Variants in C19orf81 observed in about 807,000 individuals in gnomAD.
C19orf81 encodes chromosome 19 open reading frame 81, also known as putative uncharacterized protein C19orf81.
A neutral mutation model predicts 22.1 loss-of-function variants in C19orf81; 19 were observed. The observed-to-expected ratio is 0.86, with a 90% CI of 0.60 to 1.26. The LOEUF is 1.26. Among genes scored for constraint, C19orf81 ranks in the 50% most tolerant of loss-of-function variants. The pLI is 0.00. For synonymous variants in C19orf81, 108 were observed against 113.1 expected, an observed-to-expected ratio of 0.95 and a Z score of 0.29; for missense variants, 287 against 280.7, an observed-to-expected ratio of 1.02 and a Z score of -0.16.
intron 4 of C19orf81, chr19:50,658,475 G>A (rs1985053954): frequency 3.4e-6 from 1 of 294,130 alleles, no homozygotes; most frequent in South Asian, 5.5e-5. Context: ...TTGGAGGTAA[G>A]GTCCGGTGAG....
intron 1 of C19orf81, among the ~76,000 whole-genome samples, chr19:50,652,907 T>C (rs187629571): frequency 6.6e-6 from 1 of 152,330 alleles, no homozygotes; most frequent in African/African-American, 2.4e-5. Context: ...TTTATCCTTA[T>C]TCTATCATTT....
rs1399123260 is a variant in C19orf81 at position 50,656,276 on chromosome 19, A to G, written c.191A>G (p.Glu64Gly). Residue 64 changes from glutamate (E) to glycine (G), a missense_variant, in exon 3 of 5, where the codon GAA becomes GGA. By Grantham distance (98) the Glu-to-Gly change is moderately conservative. Coordinates refer to ENST00000425202, the MANE Select transcript of C19orf81 (RefSeq NM_001195076.2). ...GCAGAGTACGAGGCACTGGACCGAG[A>G]ACTCCCGTGCATCCGGAAGTTCCCC... ...VIAEYEALDR[E>G]LPCIRKFPTP... The G allele has an allele frequency of 5.2e-6, 8 of 1,536,008 alleles. No individual in the cohort carries two copies. Among genetic ancestry groups the G allele is most frequent in the Non-Finnish European group, 7.0e-6 (8 of 1,146,910 alleles).
chr19:50,651,762 T>G (rs796947797), intron 1 of C19orf81, among the ~76,000 whole-genome samples: 87 of 152,270 alleles, frequency 5.7e-4, no homozygotes, highest in African/African-American at 2.0e-3. Context: ...AATAAGTACT[T>G]ATTTTTAAGT....
rs1039970064 is a variant in C19orf81 at position 50,658,138 on chromosome 19, C to CGGCGGG, written c.401+18_401+23dup. 5 of 1,527,922 alleles carry CGGCGGG rather than the reference C, an allele frequency of 3.3e-6. No individual in the cohort carries two copies. The highest frequency in any genetic ancestry group is 4.4e-6 in the Non-Finnish European group (5 of 1,143,222). 94.6% of individuals were successfully genotyped at this position (1,527,922 alleles called of 1,614,324 possible). ...CTGGGCGCCGGAACCGGTGAGTAAG[C>CGGCGGG]GGCGGGGGCGGGGCCTGGAGCGAGC... On this transcript the variant is annotated intron_variant, in intron 4 of 4. Transcript: ENST00000425202.
chr19:50,651,111 A>G (rs1984869950), intron 1 of C19orf81, among the ~76,000 whole-genome samples: 1 of 152,240 alleles, frequency 6.6e-6, no homozygotes, highest in Non-Finnish European at 1.5e-5. Flanking sequence ...TTTTGCCTGT[A>G]GTGCCTAATG....
chr19:50,658,080 G>A lies in C19orf81; in HGVS notation c.353G>A (p.Arg118His), dbSNP rs777688296. 1.4e-5 allele frequency: 22 copies of A among 1,535,842 alleles called. No individual in the cohort carries two copies. The East Asian group carries it at 4.2e-4, about 29-fold the overall frequency. ...GAGAGCGGGCGCGTGAGCAGCATCC[G>A]CTTTGAGAACATGAACGTCATCTGT... ...AMESGRVSSI[R>H]FENMNVICGT... The change falls in exon 4 of 5, where the codon CGC (arginine) becomes CAC (histidine). Residue 118 changes from arginine (R) to histidine (H), a missense_variant. Transcript: ENST00000425202.
intron 1 of C19orf81, among the ~76,000 whole-genome samples, chr19:50,653,509 C>T (rs1362870345): frequency 3.3e-5 from 5 of 151,904 alleles, no homozygotes; most frequent in East Asian, 1.9e-4. Context: ...AAGGGGATCC[C>T]GTGAAAATGT....
chr19:50,658,033 G>A lies in C19orf81; in HGVS notation c.306G>A (p.Glu102=), dbSNP rs879193313. 1.0e-5 allele frequency: 16 copies of A among 1,535,906 alleles called. No homozygotes were observed. The South Asian group carries it at 1.3e-4, about 13-fold the overall frequency. The change falls in exon 4 of 5, where the codon GAG becomes GAA. Residue 102 remains glutamate, a synonymous_variant. Transcript: ENST00000425202. ...ACCTGGAGGTGCTGCAAGCCCTGGA[G>A]GCCCAGTTACCAGGGGCCATGGAGA... is the stretch of plus-strand genomic sequence containing the variant. ...FTHLEVLQAL[E]AQLPGAMESG...
At chr19:50,649,755 C>A in intron 1 of C19orf81, 2 of 628,834 alleles carry the variant, frequency 3.2e-6, no homozygotes, top group Middle Eastern at 2.5e-4. Flanking sequence ...TCCCATGAGC[C>A]TCTGGGGCCT....
At chr19:50,653,625 C>T (rs1329276454) in intron 1 of C19orf81, among the ~76,000 whole-genome samples, 1 of 150,946 alleles carries the variant, frequency 6.6e-6, no homozygotes, top group Non-Finnish European at 1.5e-5. Context: ...TATACCAGCA[C>T]ACCACTGACT....
intron 1 of C19orf81, among the ~76,000 whole-genome samples, chr19:50,653,603 C>T (rs1302344582): frequency 2.0e-5 from 3 of 151,076 alleles, no homozygotes; most frequent in East Asian, 1.9e-4. Flanking sequence ...CAGGAGAGCC[C>T]GTTGTGAAAC....
At chr19:50,650,085 C>G (rs965783060) in intron 1 of C19orf81, among the ~76,000 whole-genome samples, 4 of 152,204 alleles carry the variant, frequency 2.6e-5, no homozygotes, top group African/African-American at 9.7e-5. Flanking sequence ...TTTCTCTCCT[C>G]CTACCTATCC....
chr19:50,658,025 G>A lies in C19orf81; in HGVS notation c.298G>A (p.Ala100Thr). ...TTTTACCCACCTGGAGGTGCTGCAA[G>A]CCCTGGAGGCCCAGTTACCAGGGGC... ...EDFTHLEVLQ[A>T]LEAQLPGAME... Residue 100 changes from alanine to threonine, a missense_variant, in exon 4 of 5, where the codon GCC becomes ACC. Physicochemically the swap from Ala to Thr is moderately conservative, Grantham distance 58 (BLOSUM62 0). Transcript: ENST00000425202. 1 of 1,535,762 alleles carries A rather than the reference G, an allele frequency of 6.5e-7. No homozygotes were observed. The highest frequency in any genetic ancestry group is 8.7e-7 in the Non-Finnish European group (1 of 1,146,744).
intron 1 of C19orf81, among the ~76,000 whole-genome samples, chr19:50,652,296 G>A (rs1460078322): frequency 1.3e-5 from 2 of 152,120 alleles, no homozygotes; most frequent in African/African-American, 2.4e-5. Context: ...TAAATACTAA[G>A]GACAACTATA....
At chr19:50,652,665 G>A (rs141723555) in intron 1 of C19orf81, among the ~76,000 whole-genome samples, 1 of 152,304 alleles carries the variant, frequency 6.6e-6, no homozygotes, top group African/African-American at 2.4e-5. Context: ...GTCTGATCAC[G>A]TGTGGTCTTA....
intron 1 of C19orf81, among the ~76,000 whole-genome samples, 156 bp from the exon 2 acceptor site, chr19:50,655,894 C>G (rs1984983455): frequency 6.6e-6 from 1 of 152,172 alleles, no homozygotes; most frequent in Non-Finnish European, 1.5e-5. Flanking sequence ...GAGCCGGTGT[C>G]ATGGGGTGGA....
chr19:50,652,329 T>C (rs1984894312), intron 1 of C19orf81, among the ~76,000 whole-genome samples: 1 of 152,210 alleles, frequency 6.6e-6, no homozygotes, highest in Non-Finnish European at 1.5e-5. Context: ...TGCTAGATGC[T>C]GGGGACGAAA....
chr19:50,655,386 T>A (rs1984972232), intron 1 of C19orf81, among the ~76,000 whole-genome samples: 1 of 152,070 alleles, frequency 6.6e-6, no homozygotes, highest in African/African-American at 2.4e-5. Flanking sequence ...CATAGTGGCT[T>A]ATGCCTGTAA....
chr19:50,658,998 C>T lies in C19orf81; in HGVS notation c.453C>T (p.Ser151=), dbSNP rs1340586209. 2.6e-6 allele frequency: 4 copies of T among 1,526,128 alleles called. No homozygotes were observed. The South Asian group carries it at 4.8e-5, about 18-fold the overall frequency. 94.5% of individuals were successfully genotyped at this position (1,526,128 alleles called of 1,614,324 possible). The part of the protein sequence containing the change: ...DFQTRSRLLR[S]GLSPRGLAHQ... ...AGACGCGCTCGCGCTTGCTGCGCTCCGGGCTCAGTCCCCGCGGGCTTGCGC... is the reference window on the plus strand; with the variant it reads ...AGACGCGCTCGCGCTTGCTGCGCTCTGGGCTCAGTCCCCGCGGGCTTGCGC... The change falls in exon 5 of 5, where the codon TCC becomes TCT. Residue 151 remains serine (S), a synonymous_variant. Transcript: ENST00000425202.
Sources: gnomAD v4.1 joint callset for allele counts (sites outside exome capture counted in the v4.1 genomes callset) on GRCh38, gnomAD v4.1.1 for gene constraint, MANE v1.5 for transcripts, NCBI Gene and HGNC (gene_info 2026-07-23, HGNC 2026-07-21) for gene names.